Variants in TNFAIP8 observed in about 807,000 individuals in gnomAD.
TNFAIP8 encodes the protein tumor necrosis factor alpha-induced protein 8.
Under a neutral mutation model 13.3 loss-of-function variants are expected in TNFAIP8, and 7 were observed. The ratio of observed to expected loss-of-function variants is 0.52; its 90% CI spans 0.30 to 0.99. The LOEUF (loss-of-function observed/expected upper bound fraction) is 0.99. Among genes scored for constraint, TNFAIP8 ranks in the 50% least tolerant of loss-of-function variants. The pLI, the probability that TNFAIP8 is intolerant of heterozygous loss-of-function variation, is 0.07. For missense variants in TNFAIP8, 258 were observed against 236.9 expected, an observed-to-expected ratio of 1.09 and a Z score of -0.58; for synonymous variants, 94 against 87.6, an observed-to-expected ratio of 1.07 and a Z score of -0.41.
At chr5:119,350,986 A>G (rs77745465) in intron 1 of TNFAIP8, among the ~76,000 whole-genome samples, 1 of 137,002 alleles carries the variant, frequency 7.3e-6, no homozygotes. Flanking sequence ...GTGTAGAGAG[A>G]GGGGTCTCAC....
intron 1 of TNFAIP8, among the ~76,000 whole-genome samples, chr5:119,320,098 CAG>C (rs1039487315): frequency 5.9e-5 from 9 of 152,098 alleles, no homozygotes; most frequent in South Asian, 4.1e-4. Flanking sequence ...GGAGGGGACA[CAG>C]GGGATTCAAG....
At chr5:119,329,618 C>T (rs1750316369) in intron 1 of TNFAIP8, among the ~76,000 whole-genome samples, 1 of 152,196 alleles carries the variant, frequency 6.6e-6, no homozygotes. Flanking sequence ...CAGATGTAGG[C>T]TCATATCCCA....
intron 1 of TNFAIP8, among the ~76,000 whole-genome samples, chr5:119,282,038 G>A (rs1181947273): frequency 6.6e-6 from 1 of 152,118 alleles, no homozygotes. Flanking sequence ...ATGTTTTCCT[G>A]CTATACGTGC....
chr5:119,299,739 C>T (rs559366271), intron 1 of TNFAIP8, among the ~76,000 whole-genome samples: 2 of 152,350 alleles, frequency 1.3e-5, no homozygotes, highest in South Asian at 4.1e-4. Context: ...AGGCAGGCCT[C>T]CTTGAGCTGT....
chr5:119,385,239 GGACTC>G (rs1211218815), intron 1 of TNFAIP8, among the ~76,000 whole-genome samples: 1 of 152,074 alleles, frequency 6.6e-6, no homozygotes, highest in East Asian at 1.9e-4. Flanking sequence ...TTACAACCTG[GGACTC>G]TTGACTTTGA....
At chr5:119,314,737 T>G (rs1237711072) in intron 1 of TNFAIP8, among the ~76,000 whole-genome samples, 1 of 152,222 alleles carries the variant, frequency 6.6e-6, no homozygotes, top group African/African-American at 2.4e-5. Flanking sequence ...TGGATAAATT[T>G]CTTAAGACTG....
intron 1 of TNFAIP8, among the ~76,000 whole-genome samples, chr5:119,313,779 A>G (rs1438448878): frequency 6.6e-6 from 1 of 152,220 alleles, no homozygotes; most frequent in Non-Finnish European, 1.5e-5. Context: ...TGTGCTTAAG[A>G]AGTTTATACA....
intron 1 of TNFAIP8, among the ~76,000 whole-genome samples, chr5:119,297,388 T>G (rs1250262277): frequency 6.6e-6 from 1 of 152,224 alleles, no homozygotes; most frequent in Non-Finnish European, 1.5e-5. Flanking sequence ...AGGAGCAGGT[T>G]GTTCAGTTTC....
chr5:119,369,343 C>T lies in TNFAIP8; in HGVS notation c.31+13222C>T, dbSNP rs141802063. ...TGCTGGGATTACAGGCATGAGCCAC[C>T]GCACCTGGCCCAAACTTTCATTGAG... On this transcript the variant is annotated intron_variant, in intron 1 of 1. Transcript: ENST00000504771. 2.0e-4 allele frequency among the ~76,000 whole-genome samples: 31 copies of T among 152,258 alleles called. No individual in the cohort carries two copies. In the South Asian group the frequency reaches 3.9e-3, roughly 19 times the overall value.
chr5:119,286,512 C>G (rs1165474900), intron 1 of TNFAIP8, among the ~76,000 whole-genome samples: 2 of 151,830 alleles, frequency 1.3e-5, no homozygotes, highest in African/African-American at 4.8e-5. Context: ...ATTCCAGCTA[C>G]TCTGGAGGCT....
rs540482230 is a variant in TNFAIP8 at position 119,391,557 on chromosome 5, C to G, written c.32-1259C>G. ...GGCAGATCACCTGAGGCCAGGAGTT[C>G]GAGACCAGCCTGGCCAACATGGTGA... On this transcript the variant is annotated intron_variant, in intron 1 of 1. Transcript: ENST00000504771. 1,579 of 590,944 alleles carry G rather than the reference C, an allele frequency of 2.7e-3. 10 individuals carry two copies. The highest frequency in any genetic ancestry group is 4.5e-3 in the South Asian group (273 of 60,512). 36.6% of individuals were successfully genotyped at this position (590,944 alleles called of 1,614,324 possible).
intron 1 of TNFAIP8, among the ~76,000 whole-genome samples, chr5:119,294,316 C>CAT (rs1337026443): frequency 6.6e-6 from 1 of 151,646 alleles, no homozygotes; most frequent in African/African-American, 2.4e-5. Flanking sequence ...TTGTCCTTGC[C>CAT]ATAGTTTACT....
intron 1 of TNFAIP8, among the ~76,000 whole-genome samples, chr5:119,298,282 G>T (rs13180493): frequency 6.6e-6 from 1 of 151,928 alleles, no homozygotes; most frequent in Admixed American, 6.6e-5. Context: ...TCCTTCAGGA[G>T]CTCTTTTAGG....
At chr5:119,358,067 A>G (rs774623463) in intron 1 of TNFAIP8, among the ~76,000 whole-genome samples, 2 of 148,846 alleles carry the variant, frequency 1.3e-5, no homozygotes, top group African/African-American at 2.5e-5. Context: ...TATCTTCTCT[A>G]TCGTTACTAG....
intron 1 of TNFAIP8, among the ~76,000 whole-genome samples, chr5:119,369,859 T>G (rs1404461135): frequency 1.3e-5 from 2 of 152,218 alleles, no homozygotes; most frequent in Admixed American, 1.3e-4. Context: ...TTCTCACGCC[T>G]AAAGTCAGAA....
chr5:119,377,223 G>A (rs1321008582), intron 1 of TNFAIP8, among the ~76,000 whole-genome samples: 5 of 151,964 alleles, frequency 3.3e-5, no homozygotes, highest in South Asian at 2.1e-4. Flanking sequence ...GCAACATAGC[G>A]AGACCCTGTC....
intron 1 of TNFAIP8, among the ~76,000 whole-genome samples, chr5:119,334,119 T>A (rs1281317074): frequency 1.3e-5 from 2 of 150,140 alleles, no homozygotes; most frequent in Admixed American, 1.3e-4. Flanking sequence ...AATATTGCTG[T>A]TGCCATTTTC....
At position 119,393,936 on chromosome 5, in the gene TNFAIP8, G is replaced by A. The variant is rs1481953645; in HGVS notation, c.*555G>A. 1 of 154,140 alleles carries A rather than the reference G, an allele frequency of 6.5e-6. No individual in the cohort carries two copies. Among genetic ancestry groups the A allele is most frequent in the African/African-American group, 2.4e-5 (1 of 41,394 alleles). 9.5% of individuals were successfully genotyped at this position (154,140 alleles called of 1,614,324 possible). On this transcript the variant is annotated 3_prime_UTR_variant, in exon 2 of 2. Coordinates refer to ENST00000504771, the MANE Select transcript of TNFAIP8 (RefSeq NM_014350.4). ...GTCAACCCTCAGGAAAAAAAAAATGGCTTATCTGAAATCAGTACTGTGGAA... is the reference window on the plus strand; with the variant it reads ...GTCAACCCTCAGGAAAAAAAAAATGACTTATCTGAAATCAGTACTGTGGAA...
At chr5:119,280,907 G>GT (rs199581914) in intron 1 of TNFAIP8, among the ~76,000 whole-genome samples, 36 of 145,924 alleles carry the variant, frequency 2.5e-4, no homozygotes, top group Admixed American at 7.4e-4. Context: ...ACTGATTAGG[G>GT]TTTTTTTTTA....
Sources: gnomAD v4.1 joint callset for allele counts (sites outside exome capture counted in the v4.1 genomes callset) on GRCh38, gnomAD v4.1.1 for gene constraint, MANE v1.5 for transcripts, NCBI Gene and HGNC (gene_info 2026-07-23, HGNC 2026-07-21) for gene names.